AK8: variants seen among roughly 807,000 people sequenced by gnomAD.
AK8 encodes adenylate kinase 8.
AK8 carries 44 observed loss-of-function variants against 54.6 expected under a neutral mutation model. That is an observed-to-expected ratio of 0.81 (90% CI 0.63 to 1.04). The LOEUF (loss-of-function observed/expected upper bound fraction) is 1.04, where lower values mean the gene tolerates loss of function less well. AK8 is among the 50% of genes least tolerant of loss of function. The pLI, the probability that AK8 is intolerant of heterozygous loss-of-function variation, is 0.00. For synonymous variants in AK8, 239 were observed against 245.6 expected (o/e 0.97, Z 0.25); for missense variants, 555 against 613.6 (o/e 0.90, Z 1.01).
At chr9:132,729,150 G>A (rs569863559) in intron 11 of AK8, among the ~76,000 whole-genome samples, 2 of 152,280 alleles carry the variant, frequency 1.3e-5, no homozygotes, top group South Asian at 2.1e-4. Flanking sequence ...CTCTCAAAGC[G>A]CTGGGATTAC....
At chr9:132,804,519 T>A (rs1422354939) in intron 10 of AK8, among the ~76,000 whole-genome samples, 1 of 151,610 alleles carries the variant, frequency 6.6e-6, no homozygotes, top group Non-Finnish European at 1.5e-5. Context: ...GAGTTCCCCT[T>A]CCCCTGCCTC....
Position 132,869,473 on chromosome 9 carries a change from G to A in AK8, c.170-2520C>T, listed in dbSNP as rs142678548. On this transcript the variant is annotated intron_variant, in intron 2 of 12. Transcript: ENST00000298545. ...TGCGGAGCTGCCAGGAAGTGCTCCA[G>A]GTCCTGCCTGTGACTCCGACTCTGG... 4.0e-3 allele frequency among the ~76,000 whole-genome samples: 606 copies of A among 152,364 alleles called. 4 individuals carry two copies. Among genetic ancestry groups the A allele is most frequent in the African/African-American group, 0.014 (571 of 41,584 alleles).
chr9:132,875,278 T>A, intron 1 of AK8, 79 bp from the exon 2 acceptor site: 1 of 1,568,116 alleles, frequency 6.4e-7, no homozygotes, highest in Non-Finnish European at 8.6e-7. Flanking sequence ...CTATGGGGCC[T>A]GCTCTCTCCA....
intron 5 of AK8, among the ~76,000 whole-genome samples, chr9:132,852,359 C>T (rs147321020): frequency 6.6e-6 from 1 of 152,186 alleles, no homozygotes; most frequent in Non-Finnish European, 1.5e-5. Context: ...CTAGTAATCC[C>T]GGCACTTTGG....
chr9:132,782,742 C>T (rs564523494), intron 11 of AK8, among the ~76,000 whole-genome samples: 162 of 152,130 alleles, frequency 1.1e-3, no homozygotes, highest in Non-Finnish European at 2.0e-3. Context: ...ACATTAACCA[C>T]GTCTGTGGCA....
intron 5 of AK8, among the ~76,000 whole-genome samples, chr9:132,846,504 G>GATGAATGA (rs56358230): frequency 1.1e-4 from 17 of 150,872 alleles, no homozygotes; most frequent in African/African-American, 3.2e-4. Context: ...TGAGAGAATA[G>GATGAATGA]ATGAATGAAT....
intron 5 of AK8, among the ~76,000 whole-genome samples, chr9:132,853,357 CAA>C (rs36114433): frequency 8.5e-5 from 9 of 105,598 alleles, no homozygotes; most frequent in Non-Finnish European, 5.5e-5. Context: ...GACTCCGCCT[CAA>C]AAAAAAAAAA....
intron 2 of AK8, 38 bp from the exon 3 acceptor site, chr9:132,866,991 T>G: frequency 1.2e-6 from 2 of 1,602,794 alleles, no homozygotes; most frequent in Non-Finnish European, 1.7e-6. Flanking sequence ...CCACTCAACA[T>G]GACAAGCAGC....
intron 10 of AK8, among the ~76,000 whole-genome samples, chr9:132,793,107 G>A (rs1435291485): frequency 2.0e-5 from 3 of 152,156 alleles, no homozygotes; most frequent in African/African-American, 7.2e-5. Context: ...GCAAAATCCC[G>A]TAAACTGGGT....
chr9:132,768,449 T>C (rs942592336), intron 11 of AK8, among the ~76,000 whole-genome samples: 7 of 152,272 alleles, frequency 4.6e-5, no homozygotes, highest in Non-Finnish European at 8.8e-5. Flanking sequence ...GTATTTTTAG[T>C]AGAGACGGGG....
chr9:132,857,075 G>C (rs999922382), intron 4 of AK8, among the ~76,000 whole-genome samples: 5 of 152,166 alleles, frequency 3.3e-5, no homozygotes, highest in African/African-American at 1.2e-4. Flanking sequence ...AAGGAGGCGA[G>C]CCAGCATCCA....
At chr9:132,865,682 G>A (rs1321552135) in intron 3 of AK8, among the ~76,000 whole-genome samples, 5 of 152,026 alleles carry the variant, frequency 3.3e-5, no homozygotes, top group Admixed American at 2.0e-4. Flanking sequence ...GCATGGTGGC[G>A]TACGCCTGTA....
Position 132,878,211 on chromosome 9 carries a change from G to A in AK8, c.45C>T (p.Pro15=). 6.8e-7 allele frequency: 1 copy of A among 1,467,436 alleles called. No individual in the cohort carries two copies. The highest frequency in any genetic ancestry group is 1.5e-5 in the African/African-American group (1 of 68,358). The allele number at this position is 1,467,436 out of a possible 1,614,324, so 90.9% of individuals were successfully genotyped here. A position where few individuals can be genotyped will look rare whatever the true frequency, so the allele number is the denominator to read the frequency against. ...IAPHRIPPEM[P]QYGEENHIFE... ...AGATGTGGTTCTCCTCCCCGTACTG[G>A]GGCATCTCGGGGGGGATACGGTGCG... Residue 15 remains proline, a synonymous_variant, in exon 1 of 13, where the codon CCC becomes CCT. Transcript: ENST00000298545. This position sits in a 1 kb window ranked among gnomAD's most constrained non-coding sequence, Gnocchi z 4.7.
chr9:132,802,053 T>C (rs541455145), intron 10 of AK8, among the ~76,000 whole-genome samples: 3 of 152,260 alleles, frequency 2.0e-5, no homozygotes, highest in Non-Finnish European at 4.4e-5. Context: ...TTTGGGCGAC[T>C]CATTTTACCT....
chr9:132,793,350 T>C (rs560466529), intron 10 of AK8, among the ~76,000 whole-genome samples: 46 of 152,192 alleles, frequency 3.0e-4, no homozygotes, highest in Non-Finnish European at 5.1e-4. Flanking sequence ...TTTTAACATA[T>C]GAATTTTGGG....
intron 2 of AK8, among the ~76,000 whole-genome samples, chr9:132,867,503 G>T (rs975724342): frequency 2.6e-5 from 4 of 152,242 alleles, no homozygotes; most frequent in African/African-American, 9.6e-5. Flanking sequence ...CACCTTGTTT[G>T]ATTTTAGTCC....
chr9:132,742,169 C>CT (rs573195791), intron 11 of AK8, among the ~76,000 whole-genome samples: 18,397 of 126,574 alleles, frequency 0.15, 1,704 homozygotes, highest in African/African-American at 0.22. Context: ...TGGACTTGGA[C>CT]TTTTTTTTTT....
chr9:132,871,187 A>C (rs1026220806), intron 2 of AK8, among the ~76,000 whole-genome samples: 1 of 152,184 alleles, frequency 6.6e-6, no homozygotes, highest in African/African-American at 2.4e-5. Context: ...CGGAGCTTGC[A>C]GTGAGCTGAG....
At position 132,878,097 on chromosome 9, in the gene AK8, G is replaced by A; in HGVS notation, c.84+75C>T. 4 of 1,539,906 alleles carry A rather than the reference G, an allele frequency of 2.6e-6. No homozygotes were observed. The highest frequency in any genetic ancestry group is 1.4e-5 in the African/African-American group (1 of 72,696). On this transcript the variant is annotated intron_variant, in intron 1 of 12. Coordinates refer to ENST00000298545, the MANE Select transcript of AK8 (RefSeq NM_152572.3). The surrounding 1 kb of genome is among the most constrained non-coding windows in gnomAD (Gnocchi z 4.7). The stretch of plus-strand genomic sequence containing the variant: ...CGACTCGGCCCCAGCTGCGGGTCCC[G>A]GCCGCGCACCCGACGTCGCAGTGGA...
Sources: gnomAD v4.1 joint callset for allele counts (sites outside exome capture counted in the v4.1 genomes callset) on GRCh38, gnomAD v4.1.1 for gene constraint, Gnocchi (gnomAD v3.1) non-coding constraint, MANE v1.5 for transcripts, NCBI Gene and HGNC (gene_info 2026-07-23, HGNC 2026-07-21) for gene names.